The following ABHD18 variants were observed in gnomAD, a reference collection of about 807,000 sequenced individuals.
ABHD18 encodes the protein cardiolipin-specific deacylase, mitochondrial.
In ABHD18, 55 loss-of-function variants were observed where a neutral mutation model predicts 65.9. That is an observed-to-expected ratio of 0.84 (90% confidence interval 0.67 to 1.05). The LOEUF (loss-of-function observed/expected upper bound fraction) is 1.05, where lower values mean the gene tolerates loss of function less well. Ranked by LOEUF, ABHD18 falls within the 50% of genes least tolerant of loss-of-function variation. ABHD18 has a pLI of 0.00. For synonymous variants in ABHD18, 181 were observed against 180.2 expected, an observed-to-expected ratio of 1.00 and a Z score of -0.04; for missense variants, 533 against 558.5, an observed-to-expected ratio of 0.95 and a Z score of 0.46.
intron 7 of ABHD18, among the ~76,000 whole-genome samples, chr4:128,012,744 G>C (rs556299406): frequency 6.6e-6 from 1 of 152,090 alleles, no homozygotes; most frequent in East Asian, 1.9e-4. Context: ...AGCGTCAGGA[G>C]GGGAGAGTAG....
rs528097745 is a variant in ABHD18 at position 127,977,923 on chromosome 4, AAAAT to A, written c.-17-5008_-17-5005del. On this transcript the variant is annotated intron_variant, in intron 1 of 12. Coordinates refer to ENST00000645843, the MANE Select transcript of ABHD18 (RefSeq NM_001358451.3). ...AAGGATAGCATAAACATTAACTGAG[AAAAT>A]AAATAAAACTGGATTAATGAATAAA... Among the ~76,000 whole-genome samples the A allele has an allele frequency of 1.2e-4, 19 of 152,268 alleles. 1 individual carries two copies. The South Asian group carries it at 1.9e-3, about 15-fold the overall frequency.
chr4:127,993,838 A>G (rs559830506), intron 4 of ABHD18, among the ~76,000 whole-genome samples: 1 of 150,794 alleles, frequency 6.6e-6, no homozygotes, highest in East Asian at 2.0e-4. Flanking sequence ...CCTTATATAC[A>G]TCTCCTTACC....
chr4:127,970,733 G>T (rs1378596485), intron 1 of ABHD18, among the ~76,000 whole-genome samples: 1 of 151,970 alleles, frequency 6.6e-6, no homozygotes, highest in Non-Finnish European at 1.5e-5. Flanking sequence ...CTTGAGCTCA[G>T]GAGTTCGAGA....
intron 3 of ABHD18, among the ~76,000 whole-genome samples, chr4:127,988,740 T>C (rs544026680): frequency 2.6e-5 from 4 of 152,316 alleles, no homozygotes; most frequent in African/African-American, 9.6e-5. Flanking sequence ...TTTACCCTAG[T>C]TAAAATGGCT....
chr4:128,000,498 C>T (rs941000483), intron 4 of ABHD18, among the ~76,000 whole-genome samples: 7 of 151,970 alleles, frequency 4.6e-5, no homozygotes, highest in African/African-American at 1.7e-4. Context: ...TGTTTTTATA[C>T]CAGCATACCA....
At position 128,039,166 on chromosome 4, in the gene ABHD18, T is replaced by A. The variant is rs1223152312; in HGVS notation, c.*3353T>A. Reference sequence around the variant, plus strand: ...ATGCATATATATATATATATATATATATATATATATATATATATAATCTCA... The same window carrying A: ...ATGCATATATATATATATATATATAAATATATATATATATATATAATCTCA... On this transcript the variant is annotated 3_prime_UTR_variant, in exon 13 of 13. Coordinates refer to ENST00000645843, the MANE Select transcript of ABHD18 (RefSeq NM_001358451.3). 6.5e-5 allele frequency: 9 copies of A among 138,176 alleles called. No homozygotes were observed. Among genetic ancestry groups the A allele is most frequent in the African/African-American group, 2.6e-4 (9 of 34,564 alleles). 8.6% of individuals were successfully genotyped at this position (138,176 alleles called of 1,614,324 possible).
At chr4:127,984,897 G>A (rs115504443) in intron 3 of ABHD18, among the ~76,000 whole-genome samples, 4,002 of 152,226 alleles carry the variant, frequency 0.026, 154 homozygotes, top group African/African-American at 0.091. Context: ...CTATTTGTGC[G>A]TTAACTGGAT....
chr4:128,001,857 T>A (rs1752694008), intron 4 of ABHD18: 8 of 996,150 alleles, frequency 8.0e-6, no homozygotes, highest in Admixed American at 3.8e-5. Flanking sequence ...TTTTTTTTTT[T>A]AATTCCTTGT....
chr4:128,009,775 T>G (rs1336833720), intron 6 of ABHD18: 1 of 152,398 alleles, frequency 6.6e-6, no homozygotes, highest in Non-Finnish European at 1.5e-5. Flanking sequence ...TCAGGAGCTT[T>G]GAAACATCAT....
At position 128,011,709 on chromosome 4, in the gene ABHD18, A is replaced by G. The variant is rs1754609532; in HGVS notation, c.470+9A>G. 1 of 1,538,920 alleles carries G rather than the reference A, an allele frequency of 6.5e-7. No individual in the cohort carries two copies. The highest frequency in any genetic ancestry group is 1.4e-5 in the African/African-American group (1 of 72,634). ...AAACCCAAGGACCAAGTGTAAGTAT[A>G]TATCACTTTCATTTTTGCAGTCTTT... On this transcript the variant is annotated intron_variant, in intron 7 of 12. Coordinates refer to ENST00000645843, the MANE Select transcript of ABHD18 (RefSeq NM_001358451.3).
At chr4:127,976,753 A>G (rs1747994493) in intron 1 of ABHD18, among the ~76,000 whole-genome samples, 1 of 152,200 alleles carries the variant, frequency 6.6e-6, no homozygotes, top group Non-Finnish European at 1.5e-5. Flanking sequence ...TTTTTAAAAT[A>G]TCCTTTAGCC....
chr4:128,012,685 G>A (rs1351372200), intron 7 of ABHD18, among the ~76,000 whole-genome samples: 1 of 152,034 alleles, frequency 6.6e-6, no homozygotes, highest in Non-Finnish European at 1.5e-5. Context: ...TGAAGACTTG[G>A]AATAAGATCA....
rs767591692 is a variant in ABHD18, at chr4:128,028,660, C to T, written c.987C>T (p.Leu329=). 1.2e-6 allele frequency: 2 copies of T among 1,613,760 alleles called. No individual in the cohort carries two copies. Among genetic ancestry groups the T allele is most frequent in the Non-Finnish European group, 8.5e-7 (1 of 1,179,876 alleles). ...CTGTCAGTGCGACATCAGAAGGACTCTTATTGCAAGATACCTCTAAGATGA... is the reference window on the plus strand; with the variant it reads ...CTGTCAGTGCGACATCAGAAGGACTTTTATTGCAAGATACCTCTAAGATGA... ...KTSVSATSEG[L]LLQDTSKMKR... Residue 329 remains leucine, a synonymous_variant, in exon 11 of 13, where the codon CTC becomes CTT. Coordinates refer to ENST00000645843, the MANE Select transcript of ABHD18 (RefSeq NM_001358451.3).
intron 4 of ABHD18, among the ~76,000 whole-genome samples, chr4:128,006,086 T>C (rs560274590): frequency 1.1e-4 from 16 of 152,334 alleles, no homozygotes. Context: ...TCACATGGCC[T>C]GTACCCATTC....
At chr4:128,031,208 A>T in intron 12 of ABHD18, 2 of 885,912 alleles carry the variant, frequency 2.3e-6, no homozygotes, top group Non-Finnish European at 2.7e-6. Context: ...TAATCCCAGC[A>T]CTTTGGGAGG....
intron 4 of ABHD18, among the ~76,000 whole-genome samples, chr4:128,005,888 TG>T (rs1431238064): frequency 6.6e-6 from 1 of 152,228 alleles, no homozygotes; most frequent in Non-Finnish European, 1.5e-5. Context: ...GTCTATGTCA[TG>T]GGCAGTCTGG....
chr4:128,027,326 A>G (rs1386897502), intron 10 of ABHD18, among the ~76,000 whole-genome samples: 1 of 152,232 alleles, frequency 6.6e-6, no homozygotes, highest in African/African-American at 2.4e-5. Context: ...TAAGCAACAC[A>G]TAAGTGTATT....
At chr4:127,999,853 T>A (rs2149108466) in intron 4 of ABHD18, among the ~76,000 whole-genome samples, 1 of 152,294 alleles carries the variant, frequency 6.6e-6, no homozygotes, top group Middle Eastern at 3.4e-3. Context: ...ACTTATAAAT[T>A]CTTTGCCAAG....
chr4:128,028,702 A>G lies in ABHD18; in HGVS notation c.1029A>G (p.Thr343=). The G allele has an allele frequency of 6.2e-7, 1 of 1,613,900 alleles. No homozygotes were observed. Among genetic ancestry groups the G allele is most frequent in the Non-Finnish European group, 8.5e-7 (1 of 1,179,862 alleles). Residue 343 remains threonine (T), a synonymous_variant, in exon 11 of 13, where the codon ACA becomes ACG. Transcript: ENST00000645843. ...DTSKMKRFNQ[T]LSTNKSGYTS... ...CTAAGATGAAGCGCTTCAATCAAAC[A>G]CTTTCAACCAACAAAAGTGGTTATA...
Sources: gnomAD v4.1 joint callset for allele counts (sites outside exome capture counted in the v4.1 genomes callset) on GRCh38, gnomAD v4.1.1 for gene constraint, MANE v1.5 for transcripts, NCBI Gene and HGNC (gene_info 2026-07-23, HGNC 2026-07-21) for gene names.